RALGAPA2: variants seen among roughly 807,000 people sequenced by gnomAD.
RALGAPA2 encodes the protein ral GTPase-activating protein subunit alpha-2.
In RALGAPA2, 139 loss-of-function variants were observed where a neutral mutation model predicts 230.4. That is an observed-to-expected ratio of 0.60 (90% CI 0.53 to 0.69). The LOEUF (loss-of-function observed/expected upper bound fraction) is 0.69, where lower values mean the gene tolerates loss of function less well. Ranked by LOEUF, RALGAPA2 falls within the 30% of genes least tolerant of loss-of-function variation. The pLI, the probability that RALGAPA2 is intolerant of heterozygous loss-of-function variation, is 0.00. For synonymous variants in RALGAPA2, 847 were observed against 837.8 expected, an observed-to-expected ratio of 1.01 and a Z score of -0.19; for missense variants, 2,163 against 2,276.0, an observed-to-expected ratio of 0.95 and a Z score of 1.01.
At chr20:20,678,667 C>G (rs1249203856) in intron 2 of RALGAPA2, among the ~76,000 whole-genome samples, 2 of 152,156 alleles carry the variant, frequency 1.3e-5, no homozygotes, top group African/African-American at 4.8e-5. Flanking sequence ...AATCTGCAAA[C>G]AGGCCAATGC....
At chr20:20,473,713 TCTGTGCTTGC>T (rs1164607457) in intron 36 of RALGAPA2, among the ~76,000 whole-genome samples, 1 of 152,208 alleles carries the variant, frequency 6.6e-6, no homozygotes, top group East Asian at 1.9e-4. Flanking sequence ...CTCACAAGTT[TCTGTGCTTGC>T]CTTTTTTGGA....
Position 20,601,546 on chromosome 20 carries a change from A to G in RALGAPA2, c.2203+136T>C, listed in dbSNP as rs2065653444. On this transcript the variant is annotated intron_variant, in intron 16 of 39. Transcript: ENST00000202677. ...GAAAAGTAACCAGAGCATAAAGCTA[A>G]AAAGATGTAGAGACATTTCATTTAA... 6.1e-6 allele frequency: 5 copies of G among 823,626 alleles called. No individual in the cohort carries two copies. The South Asian group carries it at 1.4e-4, about 23-fold the overall frequency. 51.0% of individuals were successfully genotyped at this position (823,626 alleles called of 1,614,324 possible).
chr20:20,635,107 T>C (rs1198572585), intron 9 of RALGAPA2, among the ~76,000 whole-genome samples: 1 of 152,170 alleles, frequency 6.6e-6, no homozygotes, highest in Admixed American at 6.5e-5. Context: ...TCTGTTCTCA[T>C]GCTCAGAGGC....
chr20:20,536,628 T>A, intron 25 of RALGAPA2, 28 bp downstream of exon 25: 1 of 1,605,726 alleles, frequency 6.2e-7, no homozygotes, highest in Non-Finnish European at 8.5e-7. Flanking sequence ...AGTACTAAAC[T>A]TGAGATACAG....
At chr20:20,698,166 T>C (rs2069192128) in intron 1 of RALGAPA2, among the ~76,000 whole-genome samples, 1 of 152,044 alleles carries the variant, frequency 6.6e-6, no homozygotes, top group African/African-American at 2.4e-5. Flanking sequence ...GAATGCTTAA[T>C]GGTTAGTTTT....
chr20:20,518,277 G>C (rs1337387810), intron 31 of RALGAPA2, among the ~76,000 whole-genome samples: 1 of 152,134 alleles, frequency 6.6e-6, no homozygotes, highest in East Asian at 1.9e-4. Flanking sequence ...GGATGGTCTG[G>C]ATCTCCTGAC....
At chr20:20,589,440 T>A in intron 17 of RALGAPA2, 75 bp from the exon 18 acceptor site, 2 of 1,390,910 alleles carry the variant, frequency 1.4e-6, no homozygotes, top group Non-Finnish European at 2.0e-6. Flanking sequence ...AATGATTTTA[T>A]ATATAGGTAA....
intron 24 of RALGAPA2, among the ~76,000 whole-genome samples, chr20:20,544,440 T>C (rs554488730): frequency 6.6e-6 from 1 of 152,028 alleles, no homozygotes; most frequent in East Asian, 1.9e-4. Context: ...AGTTCAACCG[T>C]TGTGGAAGAC....
At chr20:20,631,201 C>G (rs1043701367) in intron 9 of RALGAPA2, among the ~76,000 whole-genome samples, 17 of 152,192 alleles carry the variant, frequency 1.1e-4, no homozygotes, top group Non-Finnish European at 2.1e-4. Context: ...GAAAACAGAA[C>G]AAGAAGTCCC....
intron 37 of RALGAPA2, among the ~76,000 whole-genome samples, chr20:20,470,256 T>C (rs532069531): frequency 1.3e-5 from 2 of 152,336 alleles, no homozygotes; most frequent in African/African-American, 2.4e-5. Context: ...AAATGTTTCA[T>C]TTTCTTAAAC....
intron 38 of RALGAPA2, among the ~76,000 whole-genome samples, chr20:20,404,374 T>C (rs959898929): frequency 5.9e-5 from 9 of 152,200 alleles, no homozygotes; most frequent in African/African-American, 2.2e-4. Context: ...GTACAAAATA[T>C]TCTTTCTTCT....
chr20:20,621,706 G>C (rs1405976941), intron 10 of RALGAPA2, among the ~76,000 whole-genome samples: 1 of 152,156 alleles, frequency 6.6e-6, no homozygotes, highest in Admixed American at 6.5e-5. Flanking sequence ...TTGATTTAAT[G>C]TGAGAAGATT....
chr20:20,629,704 G>A, intron 9 of RALGAPA2, 114 bp from the exon 10 acceptor site: 1 of 1,100,438 alleles, frequency 9.1e-7, no homozygotes, highest in Admixed American at 2.1e-5. Flanking sequence ...ATGTGCACAG[G>A]GTACAGCAAA....
intron 4 of RALGAPA2, among the ~76,000 whole-genome samples, chr20:20,653,186 A>C: frequency 8.0e-6 from 1 of 124,820 alleles, no homozygotes; most frequent in Admixed American, 9.5e-5. Flanking sequence ...ACAGAGCAAG[A>C]CTCCATCTCA....
intron 10 of RALGAPA2, among the ~76,000 whole-genome samples, chr20:20,626,099 C>T (rs927968159): frequency 6.6e-6 from 1 of 152,200 alleles, no homozygotes; most frequent in African/African-American, 2.4e-5. Context: ...CCTTATCTCT[C>T]CACTGAGAAT....
chr20:20,655,107 T>C (rs775675105), intron 3 of RALGAPA2, among the ~76,000 whole-genome samples: 1 of 152,156 alleles, frequency 6.6e-6, no homozygotes, highest in Non-Finnish European at 1.5e-5. Flanking sequence ...CAAAGGTATC[T>C]CATATCTAAT....
chr20:20,709,052 C>G (rs904539527), intron 1 of RALGAPA2, among the ~76,000 whole-genome samples: 2 of 152,146 alleles, frequency 1.3e-5, no homozygotes, highest in Non-Finnish European at 2.9e-5. Context: ...GACATGGTGG[C>G]TCACACCTGT....
chr20:20,615,388 C>G (rs1195295402), intron 13 of RALGAPA2, among the ~76,000 whole-genome samples: 1 of 151,982 alleles, frequency 6.6e-6, no homozygotes, highest in African/African-American at 2.4e-5. Flanking sequence ...TCTCGAACTC[C>G]TGACATCAGA....
Position 20,584,848 on chromosome 20 carries a change from C to T in RALGAPA2, c.2530+17G>A. On this transcript the variant is annotated intron_variant, in intron 19 of 39. Transcript: ENST00000202677. ...TCAACTCTGTAGTTGGAGGAACAGA[C>T]ATTTCCCGGAACTTACTCTTCTGTC... 1.9e-6 allele frequency: 3 copies of T among 1,556,890 alleles called. No individual in the cohort carries two copies. Among genetic ancestry groups the T allele is most frequent in the African/African-American group, 1.4e-5 (1 of 73,738 alleles).
Sources: allele counts gnomAD v4.1 joint callset (sites outside exome capture counted in the v4.1 genomes callset), GRCh38; gene constraint gnomAD v4.1.1; transcripts MANE v1.5; gene names NCBI Gene and HGNC (gene_info 2026-07-23, HGNC 2026-07-21).